The following RAPSN variants were observed in gnomAD, a reference collection of about 807,000 sequenced individuals.
RAPSN encodes the protein 43 kDa receptor-associated protein of the synapse.
A neutral mutation model predicts 45.7 loss-of-function variants in RAPSN; 33 were observed. The observed-to-expected ratio is 0.72, with a 90% CI of 0.55 to 0.97. The LOEUF is 0.97. Among genes scored for constraint, RAPSN ranks in the 50% least tolerant of loss-of-function variants. The probability of loss-of-function intolerance (pLI) is 0.00; values close to 1 mark genes in which losing one functional copy is unlikely to be tolerated. For synonymous variants in RAPSN, 244 were observed against 233.6 expected (o/e 1.04, Z -0.40); for missense variants, 519 against 559.4 (o/e 0.93, Z 0.73).
At chr11:47,443,931 CAAAAAAA>C (rs1161231934) in intron 2 of RAPSN, among the ~76,000 whole-genome samples, 192 of 13,936 alleles carry the variant, frequency 0.014, no homozygotes, top group African/African-American at 0.049. Flanking sequence ...CTCTGTCTCA[CAAAAAAA>C]AAAAAAAAAA....
At chr11:47,440,046 A>G (rs2076351267) in intron 6 of RAPSN, among the ~76,000 whole-genome samples, 1 of 152,132 alleles carries the variant, frequency 6.6e-6, no homozygotes, top group South Asian at 2.1e-4. Flanking sequence ...ATTTCAGAAT[A>G]TGGGCTGCCA....
At chr11:47,441,265 G>T in intron 5 of RAPSN, 53 bp from the exon 6 acceptor site, 1 of 1,605,900 alleles carries the variant, frequency 6.2e-7, no homozygotes, top group Non-Finnish European at 8.5e-7. Flanking sequence ...GACAGGCCTT[G>T]CTCACAGGGA....
rs567079818 is a variant in RAPSN at position 47,446,762 on chromosome 11, G to A, written c.531+1050C>T. Reference sequence around the variant, plus strand: ...TCTACTAAAAACACAAAAATTAGCCGGGCGTGGTGGTATACGCCTGTAGTC... The same window carrying A: ...TCTACTAAAAACACAAAAATTAGCCAGGCGTGGTGGTATACGCCTGTAGTC... On this transcript the variant is annotated intron_variant, in intron 2 of 7. Coordinates refer to ENST00000298854, the MANE Select transcript of RAPSN (RefSeq NM_005055.5). 3.6e-4 allele frequency among the ~76,000 whole-genome samples: 55 copies of A among 152,220 alleles called. 1 individual carries two copies. Among genetic ancestry groups the A allele is most frequent in the Admixed American group, 2.6e-3 (40 of 15,288 alleles).
chr11:47,438,129 T>A lies in RAPSN; in HGVS notation c.1167-82A>T, dbSNP rs985182143. On this transcript the variant is annotated intron_variant, in intron 7 of 7. Transcript: ENST00000298854. Reference sequence around the variant, plus strand: ...CTCTCTTCCTTCCTTGCCTGCCCTCTGCAGGGGCTGGGATGCATCCTGGTG... The same window carrying A: ...CTCTCTTCCTTCCTTGCCTGCCCTCAGCAGGGGCTGGGATGCATCCTGGTG... The A allele has an allele frequency of 4.8e-6, 7 of 1,469,586 alleles. No individual in the cohort carries two copies. In the African/African-American group the frequency reaches 8.4e-5, roughly 18 times the overall value. The allele number at this position is 1,469,586 out of a possible 1,614,324, so 91.0% of individuals were successfully genotyped here.
rs373413256 is a variant in RAPSN at position 47,444,153 on chromosome 11, C to A, written c.532-1339G>T. Among the ~76,000 whole-genome samples, 25 of 152,026 alleles carry A rather than the reference C, an allele frequency of 1.6e-4. No homozygotes were observed. In the East Asian group the frequency reaches 2.5e-3, roughly 15 times the overall value. ...GTGTCAATAACCCCCCCAAAAAACCCTTTTCCTAATATGCCTTATTACATA... is the reference window on the plus strand; with the variant it reads ...GTGTCAATAACCCCCCCAAAAAACCATTTTCCTAATATGCCTTATTACATA... On this transcript the variant is annotated intron_variant, in intron 2 of 7. Coordinates refer to ENST00000298854, the MANE Select transcript of RAPSN (RefSeq NM_005055.5).
At chr11:47,443,210 G>A (rs1167270302) in intron 2 of RAPSN, among the ~76,000 whole-genome samples, 1 of 152,170 alleles carries the variant, frequency 6.6e-6, no homozygotes, top group Non-Finnish European at 1.5e-5. Flanking sequence ...CTCCACTAGA[G>A]CTTGCCTGCT....
At chr11:47,442,234 C>CATGGGG (rs2076371319) in intron 3 of RAPSN, among the ~76,000 whole-genome samples, 1 of 152,200 alleles carries the variant, frequency 6.6e-6, no homozygotes, top group African/African-American at 2.4e-5. Context: ...CAAAGTACCC[C>CATGGGG]ATATAGGGTG....
chr11:47,438,089 C>G, intron 7 of RAPSN, 42 bp from the exon 8 acceptor site: 1 of 1,546,182 alleles, frequency 6.5e-7, no homozygotes, highest in Non-Finnish European at 8.7e-7. Context: ...TGAGGCCTGT[C>G]CTTCCCTCCG....
chr11:47,438,540 C>G, intron 7 of RAPSN, 192 bp downstream of exon 7: 2 of 641,278 alleles, frequency 3.1e-6, no homozygotes, highest in Non-Finnish European at 5.3e-6. Context: ...CCAAGATGAT[C>G]TTGAACCCCG....
Position 47,448,022 on chromosome 11 carries a change from C to T in RAPSN, c.321G>A (p.Lys107=), listed in dbSNP as rs781529364. 1.9e-6 allele frequency: 3 copies of T among 1,614,072 alleles called. No individual in the cohort carries two copies. In the Admixed American group the frequency reaches 5.0e-5, roughly 27 times the overall value. Residue 107 remains lysine (K), a synonymous_variant, in exon 2 of 8, where the codon AAG becomes AAA. Coordinates refer to ENST00000298854, the MANE Select transcript of RAPSN (RefSeq NM_005055.5). ...CEFHKTISYC[K]TCLGLPGTRA... is the part of the protein sequence containing the mutation. ...TGGTACCAGGCAGCCCAAGGCAGGT[C>T]TTGCAGTAGGAGATGGTCTTGTGAA... is the stretch of plus-strand genomic sequence containing the variant.
At chr11:47,445,126 G>A (rs1201658413) in intron 2 of RAPSN, among the ~76,000 whole-genome samples, 1 of 151,456 alleles carries the variant, frequency 6.6e-6, no homozygotes, top group Non-Finnish European at 1.5e-5. Context: ...AGCTACTCGG[G>A]AGGCTGAGGC....
In RAPSN at chr11:47,448,453, C is replaced by T. The variant is rs1464432303; in HGVS notation, c.193-303G>A. Among the ~76,000 whole-genome samples the T allele has an allele frequency of 2.6e-5, 4 of 151,610 alleles. No individual in the cohort carries two copies. The East Asian group carries it at 5.8e-4, about 22-fold the overall frequency. ...AGCCGCAACCCTGGAGCCCACACCC[C>T]GCCAGGCTCAGACACAGAACACCAG... is the stretch of plus-strand genomic sequence containing the variant. On this transcript the variant is annotated intron_variant, in intron 1 of 7. Transcript: ENST00000298854.
At position 47,448,754 on chromosome 11, in the gene RAPSN, C is replaced by T. The variant is rs2076430685; in HGVS notation, c.192+19G>A. On this transcript the variant is annotated intron_variant, in intron 1 of 7. Coordinates refer to ENST00000298854, the MANE Select transcript of RAPSN (RefSeq NM_005055.5). ...GCCCCAGCCTGACCCTCGAACGCCCCCAGGCCGGGTACACCCACCTTCAGC... is the reference window on the plus strand; with the variant it reads ...GCCCCAGCCTGACCCTCGAACGCCCTCAGGCCGGGTACACCCACCTTCAGC... 6.2e-7 allele frequency: 1 copy of T among 1,605,874 alleles called. No homozygotes were observed. Among genetic ancestry groups the T allele is most frequent in the Non-Finnish European group, 8.5e-7 (1 of 1,179,900 alleles).
rs180729397 is a variant in RAPSN, at chr11:47,442,848, G to C, written c.532-34C>G. On this transcript the variant is annotated intron_variant, in intron 2 of 7. Coordinates refer to ENST00000298854, the MANE Select transcript of RAPSN (RefSeq NM_005055.5). The stretch of plus-strand genomic sequence containing the variant: ...GACATGGAATGGAAGGAGGCAAACT[G>C]AGTGGCAGAGGCTGCCCCAAGTCAA... 2.5e-6 allele frequency: 4 copies of C among 1,611,292 alleles called. No individual in the cohort carries two copies. In the African/African-American group the frequency reaches 5.3e-5, roughly 21 times the overall value.
At position 47,441,721 on chromosome 11, in the gene RAPSN, T is replaced by TGG; in HGVS notation, c.800_801dup (p.Arg268ProfsTer7). On this transcript the variant is annotated frameshift_variant, in exon 5 of 8. Coordinates refer to ENST00000298854, the MANE Select transcript of RAPSN (RefSeq NM_005055.5). LOFTEE classifies it high-confidence loss of function. The stretch of plus-strand genomic sequence containing the variant: ...ATGATGCTCATGGCGGAGTCGTACC[T>TGG]GGGGAAGGCTGTCTGCAGAGCCAGG... 6.2e-7 allele frequency: 1 copy of TGG among 1,607,408 alleles called. No homozygotes were observed. The highest frequency in any genetic ancestry group is 8.5e-7 in the Non-Finnish European group (1 of 1,179,908).
chr11:47,443,211 C>T (rs529386303), intron 2 of RAPSN, among the ~76,000 whole-genome samples: 47 of 152,346 alleles, frequency 3.1e-4, no homozygotes, highest in African/African-American at 1.1e-3. Context: ...TCCACTAGAG[C>T]TTGCCTGCTG....
intron 5 of RAPSN, 131 bp downstream of exon 5, chr11:47,441,480 G>GA: frequency 6.7e-7 from 1 of 1,488,480 alleles, no homozygotes; most frequent in Non-Finnish European, 9.1e-7. Flanking sequence ...AAATGACCAG[G>GA]AATGTCCTGG....
At chr11:47,446,070 A>G (rs2076403949) in intron 2 of RAPSN, among the ~76,000 whole-genome samples, 1 of 151,700 alleles carries the variant, frequency 6.6e-6, no homozygotes, top group Non-Finnish European at 1.5e-5. Flanking sequence ...CTGAAACAAT[A>G]GGTGTGAGCC....
rs780943877 is a variant in RAPSN at position 47,449,064 on chromosome 11, C to T, written c.-100G>A. 16 of 1,458,808 alleles carry T rather than the reference C, an allele frequency of 1.1e-5. No homozygotes were observed. Among genetic ancestry groups the T allele is most frequent in the African/African-American group, 2.8e-5 (2 of 71,836 alleles). The allele number at this position is 1,458,808 out of a possible 1,614,324, so 90.4% of individuals were successfully genotyped here. ...TCACAGTGCCAGCTGCCCCCCGAAA[C>T]GTGGGAACAAAAGCAGCGTCGGGTG... On this transcript the variant is annotated 5_prime_UTR_variant, in exon 1 of 8. Transcript: ENST00000298854.
Sources: gnomAD v4.1 joint callset for allele counts (sites outside exome capture counted in the v4.1 genomes callset) on GRCh38, gnomAD v4.1.1 for gene constraint, MANE v1.5 for transcripts, NCBI Gene and HGNC (gene_info 2026-07-23, HGNC 2026-07-21) for gene names.